Variants in MAPK8 observed in about 807,000 individuals in gnomAD.
MAPK8 encodes the protein JUN N-terminal kinase.
A neutral mutation model predicts 52.9 loss-of-function variants in MAPK8; 13 were observed. The observed-to-expected ratio is 0.25, with a 90% confidence interval of 0.16 to 0.39. The LOEUF (loss-of-function observed/expected upper bound fraction) is 0.39, where lower values mean the gene tolerates loss of function less well. Among genes scored for constraint, MAPK8 ranks in the 10% least tolerant of loss-of-function variants. MAPK8 has a pLI of 1.00. For synonymous variants in MAPK8, 191 were observed against 169.8 expected, an observed-to-expected ratio of 1.12 and a Z score of -0.97; for missense variants, 300 against 519.2, an observed-to-expected ratio of 0.58 and a Z score of 4.10.
rs73293150 is a variant in MAPK8 at position 48,319,302 on chromosome 10, T to C, written c.-50+12481T>C. ...TTTGAAATATACAGCTCAAAGCTTT[T>C]TTAGTATATTCCTGGAATAATGGAG... is the stretch of plus-strand genomic sequence containing the variant. On this transcript the variant is annotated intron_variant, in intron 1 of 11. Coordinates refer to ENST00000374189, the MANE Select transcript of MAPK8 (RefSeq NM_001323329.2). Among the ~76,000 whole-genome samples the C allele has an allele frequency of 3.0e-3, 454 of 152,318 alleles. 4 individuals carry two copies. Among genetic ancestry groups the C allele is most frequent in the African/African-American group, 0.011 (442 of 41,568 alleles).
At chr10:48,307,410 G>A (rs1445583884) in intron 1 of MAPK8, among the ~76,000 whole-genome samples, 1 of 152,240 alleles carries the variant, frequency 6.6e-6, no homozygotes, top group Non-Finnish European at 1.5e-5. Context: ...AGAGAGCCCA[G>A]GCCCGTGGCT....
chr10:48,362,086 G>A (rs371643468), intron 1 of MAPK8, among the ~76,000 whole-genome samples: 9 of 152,046 alleles, frequency 5.9e-5, no homozygotes, highest in Admixed American at 3.3e-4. Flanking sequence ...TAAATTCATC[G>A]TACCTTTTTC....
chr10:48,365,476 A>C (rs1234059926), intron 1 of MAPK8, among the ~76,000 whole-genome samples: 1 of 152,182 alleles, frequency 6.6e-6, no homozygotes, highest in African/African-American at 2.4e-5. Context: ...TTTCGTATGC[A>C]TTGACTAGAT....
At chr10:48,410,238 C>A in intron 5 of MAPK8, 70 bp downstream of exon 5, 5 of 1,373,392 alleles carry the variant, frequency 3.6e-6, no homozygotes, top group Non-Finnish European at 4.8e-6. Context: ...ACAAAATTAA[C>A]CATTCTAAAG....
intron 1 of MAPK8, among the ~76,000 whole-genome samples, chr10:48,373,615 T>C (rs141342746): frequency 0.042 from 5,114 of 121,738 alleles, 107 homozygotes; most frequent in African/African-American, 0.05. Flanking sequence ...GTTGCAATCC[T>C]AGTCTCTGAT....
At position 48,435,056 on chromosome 10, in the gene MAPK8, G is replaced by GGGGC; in HGVS notation, c.*28_*29insGGCG. ...TACTTGGGCCATCGGGGGGTGGGAG[G>GGGGC]GATGGGGAGTCGGTTAGTCATTGAT... On this transcript the variant is annotated 3_prime_UTR_variant, in exon 12 of 12. Transcript: ENST00000374189. 1 of 1,214,558 alleles carries GGGGC rather than the reference G, an allele frequency of 8.2e-7. No individual in the cohort carries two copies. The highest frequency in any genetic ancestry group is 1.1e-6 in the Non-Finnish European group (1 of 870,324). 75.2% of individuals were successfully genotyped at this position (1,214,558 alleles called of 1,614,324 possible).
intron 11 of MAPK8, among the ~76,000 whole-genome samples, chr10:48,434,236 G>A (rs1420686176): frequency 6.6e-6 from 1 of 152,174 alleles, no homozygotes; most frequent in Non-Finnish European, 1.5e-5. Context: ...GAAATAAGAA[G>A]ACCCAAGTTT....
At chr10:48,392,823 C>A (rs967288722) in intron 1 of MAPK8, among the ~76,000 whole-genome samples, 1 of 152,078 alleles carries the variant, frequency 6.6e-6, no homozygotes, top group Non-Finnish European at 1.5e-5. Context: ...CTTTGGTCTT[C>A]TTTGTTAAAC....
At chr10:48,365,443 A>G (rs779888535) in intron 1 of MAPK8, among the ~76,000 whole-genome samples, 2 of 152,194 alleles carry the variant, frequency 1.3e-5, no homozygotes, top group Non-Finnish European at 2.9e-5. Context: ...GTAAATTTGT[A>G]TCCTCCATAT....
chr10:48,401,395 A>G (rs2042150785), intron 1 of MAPK8, among the ~76,000 whole-genome samples: 1 of 152,110 alleles, frequency 6.6e-6, no homozygotes, highest in African/African-American at 2.4e-5. Flanking sequence ...GGAATGATTT[A>G]TCCTAATGTT....
chr10:48,323,324 TG>T (rs1332986222), intron 1 of MAPK8, among the ~76,000 whole-genome samples: 2 of 152,176 alleles, frequency 1.3e-5, no homozygotes, highest in Non-Finnish European at 2.9e-5. Context: ...CTAGGTATTG[TG>T]GGGGTGGCTT....
chr10:48,434,161 A>G (rs2044628656), intron 11 of MAPK8, among the ~76,000 whole-genome samples: 1 of 152,170 alleles, frequency 6.6e-6, no homozygotes. Flanking sequence ...ACTTTCGGCA[A>G]AGGAAACTGT....
At chr10:48,379,606 A>G (rs920182859) in intron 1 of MAPK8, among the ~76,000 whole-genome samples, 7 of 152,004 alleles carry the variant, frequency 4.6e-5, no homozygotes, top group Non-Finnish European at 1.0e-4. Context: ...TAAATGGCTC[A>G]AAAAAAATGT....
Position 48,426,875 on chromosome 10 carries a change from GAA to G in MAPK8, c.997-200_997-199del. Reference sequence around the variant, plus strand: ...GGCAATTTCAAGAGCTAGAAGAAAAGAAAAAAGACAGTTAAACATTTTATTTC... The same window carrying G: ...GGCAATTTCAAGAGCTAGAAGAAAAGAAAAGACAGTTAAACATTTTATTTC... On this transcript the variant is annotated intron_variant, in intron 9 of 11. Coordinates refer to ENST00000374189, the MANE Select transcript of MAPK8 (RefSeq NM_001323329.2). 4 of 512,704 alleles carry G rather than the reference GAA, an allele frequency of 7.8e-6. No homozygotes were observed. The South Asian group carries it at 1.0e-4, about 13-fold the overall frequency. 31.8% of individuals were successfully genotyped at this position (512,704 alleles called of 1,614,324 possible).
rs1370433394 is a variant in MAPK8 at position 48,426,313 on chromosome 10, G to T, written c.872-67G>T. On this transcript the variant is annotated intron_variant, in intron 8 of 11. Coordinates refer to ENST00000374189, the MANE Select transcript of MAPK8 (RefSeq NM_001323329.2). ...TATGCTTTTTAAAAAATCTCAAATTGCTGAAAGTTATTAATAATTTGAGAA... is the reference window on the plus strand; with the variant it reads ...TATGCTTTTTAAAAAATCTCAAATTTCTGAAAGTTATTAATAATTTGAGAA... The T allele has an allele frequency of 4.3e-6, 6 of 1,392,404 alleles. No individual in the cohort carries two copies. The East Asian group carries it at 1.3e-4, about 29-fold the overall frequency. The allele number at this position is 1,392,404 out of a possible 1,614,324, so 86.3% of individuals were successfully genotyped here. A position where few individuals can be genotyped will look rare whatever the true frequency, so the allele number is the denominator to read the frequency against.
chr10:48,398,299 A>C (rs2041990505), intron 1 of MAPK8, among the ~76,000 whole-genome samples: 1 of 152,226 alleles, frequency 6.6e-6, no homozygotes, highest in East Asian at 1.9e-4. Flanking sequence ...AATAGGGAAA[A>C]GAACTGAATA....
chr10:48,420,511 T>A (rs1230200229), intron 6 of MAPK8, among the ~76,000 whole-genome samples, 191 bp downstream of exon 6: 5 of 152,198 alleles, frequency 3.3e-5, no homozygotes, highest in African/African-American at 1.2e-4. Context: ...GGGCCCTTAT[T>A]TGTTTAAATA....
chr10:48,365,698 T>A (rs1389891494), intron 1 of MAPK8, among the ~76,000 whole-genome samples: 1 of 152,190 alleles, frequency 6.6e-6, no homozygotes, highest in Non-Finnish European at 1.5e-5. Context: ...GACAAAAGTA[T>A]TTTTTAAAGC....
At chr10:48,433,404 A>G (rs1011149306) in intron 11 of MAPK8, among the ~76,000 whole-genome samples, 6 of 152,260 alleles carry the variant, frequency 3.9e-5, no homozygotes, top group Non-Finnish European at 5.9e-5. Context: ...TATGTATGGT[A>G]CACAGATATA....
Sources: allele counts gnomAD v4.1 joint callset (sites outside exome capture counted in the v4.1 genomes callset), GRCh38; gene constraint gnomAD v4.1.1; transcripts MANE v1.5; gene names NCBI Gene and HGNC (gene_info 2026-07-23, HGNC 2026-07-21).